GORAB: variants seen among roughly 807,000 people sequenced by gnomAD.
The protein encoded by GORAB is golgin, RAB6 interacting.
Under a neutral mutation model 29.9 loss-of-function variants are expected in GORAB, and 17 were observed. The ratio of observed to expected loss-of-function variants is 0.57; its 90% CI spans 0.39 to 0.85. GORAB has a LOEUF of 0.85. Ranked by LOEUF, GORAB falls within the 40% of genes least tolerant of loss-of-function variation. GORAB has a pLI of 0.00. For missense variants in GORAB, 442 were observed against 437.8 expected (o/e 1.01, Z -0.09); for synonymous variants, 183 against 157.2 (o/e 1.16, Z -1.23).
chr1:170,544,574 T>C, intron 3 of GORAB, 131 bp from the exon 4 acceptor site: 1 of 644,214 alleles, frequency 1.6e-6, no homozygotes, highest in Middle Eastern at 4.6e-4. Flanking sequence ...TCAATTTTTC[T>C]GATTTTTTTC....
chr1:170,541,203 C>CAAAAA (rs67384213), intron 2 of GORAB, among the ~76,000 whole-genome samples: 11 of 46,318 alleles, frequency 2.4e-4, no homozygotes, highest in East Asian at 7.0e-4. Context: ...GATTCTGTCC[C>CAAAAA]AAAAAAAAAA....
Position 170,539,521 on chromosome 1 carries a change from C to T in GORAB, c.373C>T (p.Leu125=). The part of the protein sequence containing the change: ...SHDGHNNVEI[L]PPKPDCKLEK... The stretch of plus-strand genomic sequence containing the variant: ...TGATGGTCACAACAATGTTGAGATT[C>T]TACCTCCAAAGCCAGATTGCAAATT... The change falls in exon 2 of 5, where the codon CTA becomes TTA. Residue 125 remains leucine (L), a synonymous_variant. Transcript: ENST00000367763. 1 of 1,613,926 alleles carries T rather than the reference C, an allele frequency of 6.2e-7. No homozygotes were observed. Among genetic ancestry groups the T allele is most frequent in the Non-Finnish European group, 8.5e-7 (1 of 1,179,882 alleles).
In GORAB at chr1:170,539,587, A is replaced by G; in HGVS notation, c.419+20A>G. On this transcript the variant is annotated intron_variant, in intron 2 of 4. Coordinates refer to ENST00000367763, the MANE Select transcript of GORAB (RefSeq NM_152281.3). ...GGAATTGTTAGTAAGTCTATGTGAAAAGTCCATGAGACTTTTCATTTAACC... is the reference window on the plus strand; with the variant it reads ...GGAATTGTTAGTAAGTCTATGTGAAGAGTCCATGAGACTTTTCATTTAACC... The G allele has an allele frequency of 2.5e-6, 4 of 1,612,460 alleles. No individual in the cohort carries two copies. The highest frequency in any genetic ancestry group is 3.4e-6 in the Non-Finnish European group (4 of 1,179,698).
At position 170,541,305 on chromosome 1, in the gene GORAB, C is replaced by T. The variant is rs1276185023; in HGVS notation, c.420-1186C>T. On this transcript the variant is annotated intron_variant, in intron 2 of 4. Transcript: ENST00000367763. ...TAAAGAAATGAGAAAGGATCGGAAG[C>T]AGGGGATGCCTTCCTTCCTAGCAAG... Among the ~76,000 whole-genome samples the T allele has an allele frequency of 1.7e-4, 25 of 150,542 alleles. 1 individual carries two copies.
At chr1:170,537,836 A>G (rs1174954775) in intron 1 of GORAB, among the ~76,000 whole-genome samples, 1 of 152,176 alleles carries the variant, frequency 6.6e-6, no homozygotes, top group African/African-American at 2.4e-5. Flanking sequence ...TCAGTCTTAT[A>G]GGTAGGTTCT....
intron 1 of GORAB, among the ~76,000 whole-genome samples, chr1:170,538,275 A>G (rs1340762302): frequency 6.6e-6 from 1 of 152,194 alleles, no homozygotes; most frequent in Non-Finnish European, 1.5e-5. Context: ...GGGAAATTCA[A>G]ATAATAAGCT....
intron 1 of GORAB, among the ~76,000 whole-genome samples, chr1:170,538,036 C>G (rs1189041902): frequency 6.6e-6 from 1 of 152,160 alleles, no homozygotes; most frequent in East Asian, 1.9e-4. Flanking sequence ...CTAAAGTCAA[C>G]AATAACATTT....
At chr1:170,542,432 T>A in intron 2 of GORAB, 59 bp from the exon 3 acceptor site, 1 of 961,766 alleles carries the variant, frequency 1.0e-6, no homozygotes, top group Non-Finnish European at 1.7e-6. Context: ...AGGTGTTGGA[T>A]AGGGTAGCAG....
At chr1:170,545,848 C>T (rs1056635048) in intron 4 of GORAB, 2 of 561,948 alleles carry the variant, frequency 3.6e-6, no homozygotes, top group Middle Eastern at 9.3e-4. Context: ...TGCTATTAGA[C>T]TTAGAGTTGT....
At chr1:170,537,731 A>G (rs1649149376) in intron 1 of GORAB, among the ~76,000 whole-genome samples, 1 of 152,120 alleles carries the variant, frequency 6.6e-6, no homozygotes, top group African/African-American at 2.4e-5. Context: ...AGTCTCCTTG[A>G]TATTTGCAGC....
chr1:170,546,270 G>A (rs954362628), intron 4 of GORAB, among the ~76,000 whole-genome samples: 6 of 151,982 alleles, frequency 3.9e-5, no homozygotes, highest in Non-Finnish European at 7.4e-5. Flanking sequence ...GGCGCCTATA[G>A]TCCCAGCTAC....
At chr1:170,542,653 T>C (rs1359166412) in intron 3 of GORAB, 61 bp downstream of exon 3, 27 of 1,093,780 alleles carry the variant, frequency 2.5e-5, no homozygotes, top group Admixed American at 1.5e-4. Context: ...TCATGTGTTA[T>C]ATTTGTTTTC....
chr1:170,552,012 C>T lies in GORAB; in HGVS notation c.663-3C>T, dbSNP rs1201113138. The T allele has an allele frequency of 2.5e-6, 4 of 1,612,520 alleles. No homozygotes were observed. Among genetic ancestry groups the T allele is most frequent in the East Asian group, 2.2e-5 (1 of 44,880 alleles). On this transcript the variant is annotated splice_region_variant and splice_polypyrimidine_tract_variant and intron_variant, in intron 4 of 4. Transcript: ENST00000367763. ...GGACCTATCTTTATACACATCCTTA[C>T]AGGAAGCGGTTTGACAGGGCTGAAG...
At chr1:170,533,720 T>C in intron 1 of GORAB, 1 of 351,930 alleles carries the variant, frequency 2.8e-6, no homozygotes, top group South Asian at 2.1e-5. Context: ...TATTTTGAAA[T>C]ATCTTTGCAA....
chr1:170,542,777 G>T (rs1045401228), intron 3 of GORAB, among the ~76,000 whole-genome samples, 185 bp downstream of exon 3: 1 of 152,148 alleles, frequency 6.6e-6, no homozygotes, highest in Non-Finnish European at 1.5e-5. Context: ...TTATTAAAGA[G>T]AACTTTTTAA....
intron 1 of GORAB, among the ~76,000 whole-genome samples, chr1:170,537,657 A>G (rs748060876): frequency 6.6e-5 from 10 of 152,288 alleles, no homozygotes; most frequent in Non-Finnish European, 1.2e-4. Flanking sequence ...AATGATAGCA[A>G]TTGACTAAAG....
rs1393340143 is a variant in GORAB at position 170,552,875 on chromosome 1, G to T, written c.*413G>T. The T allele has an allele frequency of 2.2e-6, 1 of 452,250 alleles. No homozygotes were observed. Among genetic ancestry groups the T allele is most frequent in the South Asian group, 1.6e-5 (1 of 63,640 alleles). The allele number at this position is 452,250 out of a possible 1,614,324, so 28.0% of individuals were successfully genotyped here. Reference sequence around the variant, plus strand: ...CTGGAAGTCCTATTTTATTTAATCAGTATCAGTAAAAAGACAAAAATTACA... The same window carrying T: ...CTGGAAGTCCTATTTTATTTAATCATTATCAGTAAAAAGACAAAAATTACA... On this transcript the variant is annotated 3_prime_UTR_variant, in exon 5 of 5. Coordinates refer to ENST00000367763, the MANE Select transcript of GORAB (RefSeq NM_152281.3).
chr1:170,551,960 G>A (rs942589259), intron 4 of GORAB, 55 bp from the exon 5 acceptor site: 36 of 1,471,232 alleles, frequency 2.4e-5, no homozygotes, highest in Non-Finnish European at 3.3e-5. Flanking sequence ...ATCCTCTTTT[G>A]AATATCTTCT....
Position 170,552,332 on chromosome 1 carries a change from G to A in GORAB, c.980G>A (p.Arg327Lys), listed in dbSNP as rs769575681. The A allele has an allele frequency of 6.2e-7, 1 of 1,614,030 alleles. No homozygotes were observed. The highest frequency in any genetic ancestry group is 1.3e-5 in the African/African-American group (1 of 74,930). ...ACATTAGAATTTGCTAAAGAGAACA[G>A]AAAGTGTCAAGAACAAGCTGTTTCC... ...SVTLEFAKEN[R>K]KCQEQAVSPK... Residue 327 changes from arginine (R) to lysine (K), a missense_variant, in exon 5 of 5, where the codon AGA becomes AAA. Transcript: ENST00000367763.
Sources: allele counts gnomAD v4.1 joint callset (sites outside exome capture counted in the v4.1 genomes callset), GRCh38; gene constraint gnomAD v4.1.1; transcripts MANE v1.5; gene names NCBI Gene and HGNC (gene_info 2026-07-23, HGNC 2026-07-21).